The following SYT16 variants were observed in gnomAD, a reference collection of about 807,000 sequenced individuals.
SYT16 encodes the protein synaptotagmin-16.
SYT16 carries 42 observed loss-of-function variants against 61.4 expected under a neutral mutation model. The observed-to-expected ratio is 0.68, with a 90% CI of 0.53 to 0.89. SYT16 has a LOEUF of 0.89. Among genes scored for constraint, SYT16 ranks in the 40% least tolerant of loss-of-function variants. The pLI is 0.00. For missense variants in SYT16, 804 were observed against 807.3 expected (o/e 1.00, Z 0.05); for synonymous variants, 314 against 302.3 (o/e 1.04, Z -0.40).
chr14:61,901,759 AATAATT>A (rs895069624), intron 1 of SYT16, among the ~76,000 whole-genome samples: 24 of 135,130 alleles, frequency 1.8e-4, no homozygotes, highest in African/African-American at 7.5e-4. Flanking sequence ...TAATAATAAT[AATAATT>A]ATTATTATTA....
chr14:61,966,438 A>T (rs1323907723), intron 1 of SYT16, among the ~76,000 whole-genome samples: 2 of 152,020 alleles, frequency 1.3e-5, no homozygotes, highest in African/African-American at 4.8e-5. Context: ...CAAACATTCT[A>T]CTCTATGCAT....
chr14:61,895,875 G>A (rs1594854988), intron 1 of SYT16, among the ~76,000 whole-genome samples: 1 of 152,108 alleles, frequency 6.6e-6, no homozygotes, highest in African/African-American at 2.4e-5. Context: ...TAGTTATTTA[G>A]GAATTTTTTT....
intron 3 of SYT16, among the ~76,000 whole-genome samples, chr14:62,035,396 T>A (rs1054023030): frequency 3.9e-5 from 6 of 152,154 alleles, no homozygotes; most frequent in African/African-American, 1.4e-4. Flanking sequence ...TTTTTACCAT[T>A]TTATAATAGC....
At chr14:61,904,017 C>T (rs950329572) in intron 1 of SYT16, among the ~76,000 whole-genome samples, 1 of 152,202 alleles carries the variant, frequency 6.6e-6, no homozygotes, top group Non-Finnish European at 1.5e-5. Context: ...GCTTTTCAGT[C>T]TATTCCTACA....
intron 1 of SYT16, among the ~76,000 whole-genome samples, chr14:61,844,186 A>T (rs531575136): frequency 3.3e-5 from 5 of 151,936 alleles, no homozygotes; most frequent in African/African-American, 1.2e-4. Flanking sequence ...TTGATTTTTC[A>T]GATTGTTTAC....
intron 3 of SYT16, among the ~76,000 whole-genome samples, chr14:62,010,349 G>T (rs1254886216): frequency 2.0e-5 from 3 of 152,134 alleles, no homozygotes; most frequent in African/African-American, 7.2e-5. Context: ...CCTTAATAGG[G>T]TGGTCCTATA....
intron 1 of SYT16, among the ~76,000 whole-genome samples, chr14:61,911,284 G>A (rs990053383): frequency 2.6e-5 from 4 of 152,146 alleles, no homozygotes; most frequent in African/African-American, 9.7e-5. Flanking sequence ...ATCAGAACCA[G>A]GCACTTTCTA....
intron 1 of SYT16, among the ~76,000 whole-genome samples, chr14:61,833,277 G>A (rs1594718398): frequency 6.6e-6 from 1 of 150,786 alleles, no homozygotes; most frequent in Non-Finnish European, 1.5e-5. Flanking sequence ...TGGCTCATGG[G>A]TGGCTTTTTT....
chr14:61,960,250 A>G (rs561827631), intron 1 of SYT16, among the ~76,000 whole-genome samples: 2 of 152,294 alleles, frequency 1.3e-5, no homozygotes, highest in Admixed American at 1.3e-4. Context: ...TGTCACTGGT[A>G]GTTTGATAGA....
Position 61,939,365 on chromosome 14 carries a change from C to T in SYT16, c.-324-30767C>T, listed in dbSNP as rs141678801. 2.4e-3 allele frequency among the ~76,000 whole-genome samples: 373 copies of T among 152,306 alleles called. 1 individual carries two copies. Among genetic ancestry groups the T allele is most frequent in the Middle Eastern group, 0.014 (4 of 294 alleles). ...TCCTCCTGTGCACACCTACAGTTTA[C>T]GAAAGACACTGTATTAGTCCACTAG... On this transcript the variant is annotated intron_variant, in intron 1 of 7. Coordinates refer to ENST00000683842, the MANE Select transcript of SYT16 (RefSeq NM_001367656.1).
At chr14:61,961,546 C>G (rs2051117070) in intron 1 of SYT16, among the ~76,000 whole-genome samples, 1 of 152,174 alleles carries the variant, frequency 6.6e-6, no homozygotes, top group East Asian at 1.9e-4. Flanking sequence ...TATATAAATG[C>G]AAATCAAAAC....
At chr14:61,970,613 G>A (rs1309680167) in intron 2 of SYT16, among the ~76,000 whole-genome samples, 1 of 152,148 alleles carries the variant, frequency 6.6e-6, no homozygotes, top group Non-Finnish European at 1.5e-5. Flanking sequence ...CATTTCACTT[G>A]TTAGCTGTTT....
intron 3 of SYT16, among the ~76,000 whole-genome samples, chr14:62,046,214 A>AT (rs1333506993): frequency 1.3e-5 from 2 of 151,942 alleles, no homozygotes; most frequent in African/African-American, 4.8e-5. Flanking sequence ...GATGATGAGC[A>AT]TTTTTTCATG....
intron 2 of SYT16, among the ~76,000 whole-genome samples, chr14:61,993,866 A>G (rs1008372441): frequency 5.3e-5 from 8 of 152,132 alleles, no homozygotes; most frequent in Non-Finnish European, 8.8e-5. Flanking sequence ...AGGATTTGTT[A>G]TTGAGAATTC....
At chr14:62,092,220 A>ACACG (rs2057108551) in intron 7 of SYT16, among the ~76,000 whole-genome samples, 1 of 143,846 alleles carries the variant, frequency 7.0e-6, no homozygotes, top group African/African-American at 2.8e-5. Context: ...ACACACACAC[A>ACACG]CACACACTAA....
At chr14:61,912,441 G>T (rs552553358) in intron 1 of SYT16, among the ~76,000 whole-genome samples, 4 of 152,338 alleles carry the variant, frequency 2.6e-5, no homozygotes, top group Non-Finnish European at 5.9e-5. Context: ...ATTATCCTAT[G>T]TTTGGAAGCT....
At chr14:61,845,291 C>T (rs997971777) in intron 1 of SYT16, among the ~76,000 whole-genome samples, 5 of 152,152 alleles carry the variant, frequency 3.3e-5, no homozygotes, top group African/African-American at 1.2e-4. Context: ...TCGTGATTCG[C>T]CTGCCTCAGC....
intron 3 of SYT16, among the ~76,000 whole-genome samples, chr14:62,044,963 C>A (rs1393573760): frequency 6.6e-6 from 1 of 152,018 alleles, no homozygotes; most frequent in Non-Finnish European, 1.5e-5. Flanking sequence ...CGTGGTGAAA[C>A]CCCATCTCTA....
At chr14:62,002,189 T>C (rs1031395014) in intron 3 of SYT16, among the ~76,000 whole-genome samples, 2 of 151,966 alleles carry the variant, frequency 1.3e-5, no homozygotes, top group Non-Finnish European at 2.9e-5. Context: ...ATTTTTTGCC[T>C]GGAAGTGAGC....
Sources: allele counts gnomAD v4.1 joint callset (sites outside exome capture counted in the v4.1 genomes callset), GRCh38; gene constraint gnomAD v4.1.1; transcripts MANE v1.5; gene names NCBI Gene and HGNC (gene_info 2026-07-23, HGNC 2026-07-21).